EVI5: variants seen among roughly 807,000 people sequenced by gnomAD.
EVI5 encodes the protein ecotropic viral integration site 5.
A neutral mutation model predicts 112.0 loss-of-function variants in EVI5; 73 were observed. The observed-to-expected ratio is 0.65, with a 90% confidence interval of 0.54 to 0.79. The LOEUF (loss-of-function observed/expected upper bound fraction) is 0.79. Among genes scored for constraint, EVI5 ranks in the 30% least tolerant of loss-of-function variants. The pLI, the probability that EVI5 is intolerant of heterozygous loss-of-function variation, is 0.00. For synonymous variants in EVI5, 305 were observed against 319.9 expected (o/e 0.95, Z 0.50); for missense variants, 900 against 968.8 (o/e 0.93, Z 0.94).
intron 2 of EVI5, among the ~76,000 whole-genome samples, chr1:92,727,983 G>A (rs558315251): frequency 1.5e-4 from 23 of 148,652 alleles, no homozygotes; most frequent in Non-Finnish European, 2.4e-4. Context: ...GACAGAGTGC[G>A]ACCCTGTCTC....
chr1:92,616,345 C>T (rs1217202413), intron 16 of EVI5, among the ~76,000 whole-genome samples: 2 of 152,102 alleles, frequency 1.3e-5, no homozygotes, highest in Non-Finnish European at 2.9e-5. Context: ...TACTCAACTA[C>T]AAAATTTAAA....
At chr1:92,741,011 C>T (rs1379321779) in intron 1 of EVI5, among the ~76,000 whole-genome samples, 1 of 152,062 alleles carries the variant, frequency 6.6e-6, no homozygotes, top group Admixed American at 6.5e-5. Context: ...GGTTTGGAAA[C>T]AAAGTTTCAA....
intron 18 of EVI5, among the ~76,000 whole-genome samples, chr1:92,578,189 A>G (rs530615352): frequency 3.3e-5 from 5 of 152,248 alleles, no homozygotes; most frequent in African/African-American, 7.2e-5. Flanking sequence ...ACTAATCCAC[A>G]TTGTTATTTC....
Position 92,785,092 on chromosome 1 carries a change from C to T in EVI5, c.-338G>A. On this transcript the variant is annotated 5_prime_UTR_variant, in exon 1 of 20. Coordinates refer to ENST00000684568, the MANE Select transcript of EVI5 (RefSeq NM_001350197.2). ...CTGGTTCCTCCGGGGTCCGGCCCGG[C>T]CGCGTCAGGAGAGCCCAAGGCGCAG... 4.1e-6 allele frequency: 4 copies of T among 985,554 alleles called. No homozygotes were observed. Among genetic ancestry groups the T allele is most frequent in the Non-Finnish European group, 4.8e-6 (4 of 830,046 alleles). 61.1% of individuals were successfully genotyped at this position (985,554 alleles called of 1,614,324 possible).
At chr1:92,641,234 ATCTC>A (rs1314902891) in intron 13 of EVI5, among the ~76,000 whole-genome samples, 1 of 152,178 alleles carries the variant, frequency 6.6e-6, no homozygotes, top group Non-Finnish European at 1.5e-5. Context: ...TAAAATGTTT[ATCTC>A]TATATATACT....
intron 2 of EVI5, among the ~76,000 whole-genome samples, chr1:92,719,237 G>A (rs915635444): frequency 9.2e-5 from 14 of 151,570 alleles, no homozygotes; most frequent in Non-Finnish European, 1.0e-4. Flanking sequence ...GCAGAGACAC[G>A]ATGAAAAAAA....
chr1:92,636,445 T>C, intron 13 of EVI5, 109 bp from the exon 14 acceptor site: 1 of 851,244 alleles, frequency 1.2e-6, no homozygotes, highest in East Asian at 2.7e-5. Flanking sequence ...GGCAACTAAA[T>C]AGGAGAAGTT....
chr1:92,778,357 C>T (rs1224128329), intron 1 of EVI5, among the ~76,000 whole-genome samples: 1 of 152,108 alleles, frequency 6.6e-6, no homozygotes, highest in African/African-American at 2.4e-5. Context: ...CAGTTAGAAT[C>T]CCAGATTTCT....
chr1:92,592,840 G>A (rs1291016920), intron 18 of EVI5, among the ~76,000 whole-genome samples: 1 of 152,088 alleles, frequency 6.6e-6, no homozygotes. Context: ...TAAATTCCTC[G>A]ACACATACAC....
intron 16 of EVI5, among the ~76,000 whole-genome samples, chr1:92,621,237 T>C (rs1212915303): frequency 2.0e-5 from 3 of 152,156 alleles, no homozygotes; most frequent in Admixed American, 6.5e-5. Flanking sequence ...GTGACAGATA[T>C]CAATCCAAGT....
chr1:92,632,412 A>G (rs377442750), intron 14 of EVI5, among the ~76,000 whole-genome samples: 5 of 152,138 alleles, frequency 3.3e-5, no homozygotes, highest in South Asian at 4.1e-4. Flanking sequence ...AGTCTTGGGA[A>G]GGTGTATGTG....
chr1:92,575,430 AGTTT>A (rs1670909809), intron 18 of EVI5, among the ~76,000 whole-genome samples: 2 of 152,078 alleles, frequency 1.3e-5, no homozygotes, highest in Non-Finnish European at 2.9e-5. Context: ...CACTGAAGAT[AGTTT>A]TTTTTCAGAT....
intron 19 of EVI5, among the ~76,000 whole-genome samples, chr1:92,520,301 A>G (rs1181242790): frequency 2.6e-5 from 4 of 152,188 alleles, no homozygotes; most frequent in African/African-American, 9.7e-5. Flanking sequence ...GCCTGTCTTC[A>G]GTCTCCATTC....
intron 18 of EVI5, among the ~76,000 whole-genome samples, chr1:92,600,667 C>T (rs1273042289): frequency 1.3e-5 from 2 of 152,118 alleles, no homozygotes; most frequent in Non-Finnish European, 2.9e-5. Flanking sequence ...CAACCAACAC[C>T]CCTGACATGT....
At chr1:92,547,044 C>T (rs1402796537) in intron 19 of EVI5, among the ~76,000 whole-genome samples, 1 of 152,210 alleles carries the variant, frequency 6.6e-6, no homozygotes, top group Non-Finnish European at 1.5e-5. Flanking sequence ...ACAGAATATA[C>T]ATTCTTCTCA....
At chr1:92,777,296 T>A (rs1173204838) in intron 1 of EVI5, among the ~76,000 whole-genome samples, 1 of 152,184 alleles carries the variant, frequency 6.6e-6, no homozygotes, top group Non-Finnish European at 1.5e-5. Context: ...AGAACTATTA[T>A]TCATGCAACA....
chr1:92,744,793 T>C (rs1160633202), intron 1 of EVI5, among the ~76,000 whole-genome samples: 2 of 152,182 alleles, frequency 1.3e-5, no homozygotes, highest in Non-Finnish European at 2.9e-5. Flanking sequence ...GAAGAGTTTT[T>C]CCAAGCTATG....
At chr1:92,728,215 A>C (rs1346842751) in intron 2 of EVI5, among the ~76,000 whole-genome samples, 1 of 152,146 alleles carries the variant, frequency 6.6e-6, no homozygotes, top group Non-Finnish European at 1.5e-5. Context: ...TAGAACTCCA[A>C]ATTACATGAA....
chr1:92,547,082 G>C (rs1217656011), intron 19 of EVI5, among the ~76,000 whole-genome samples: 5 of 152,078 alleles, frequency 3.3e-5, no homozygotes, highest in Non-Finnish European at 7.4e-5. Flanking sequence ...TTCCAAAATT[G>C]ACCACATAGT....
Sources: allele counts gnomAD v4.1 joint callset (sites outside exome capture counted in the v4.1 genomes callset), GRCh38; gene constraint gnomAD v4.1.1; transcripts MANE v1.5; gene names NCBI Gene and HGNC (gene_info 2026-07-23, HGNC 2026-07-21).